Variants in KCNQ1 observed in about 807,000 individuals in gnomAD.
KCNQ1 encodes potassium voltage-gated channel subfamily Q member 1.
KCNQ1 carries 49 observed loss-of-function variants against 72.4 expected under a neutral mutation model. The ratio of observed to expected loss-of-function variants is 0.68; its 90% confidence interval spans 0.54 to 0.86. KCNQ1 has a LOEUF of 0.86. Among genes scored for constraint, KCNQ1 ranks in the 40% least tolerant of loss-of-function variants. The pLI is 0.00. For missense variants in KCNQ1, 790 were observed against 945.1 expected, an observed-to-expected ratio of 0.84 and a Z score of 2.15; for synonymous variants, 450 against 412.6, an observed-to-expected ratio of 1.09 and a Z score of -1.10.
chr11:2,456,788 AATT>A (rs1846198214), intron 1 of KCNQ1, among the ~76,000 whole-genome samples: 2 of 120,404 alleles, frequency 1.7e-5, no homozygotes, highest in Admixed American at 9.2e-5. Context: ...AAAAAAAAAA[AATT>A]AGCCGGGCGT....
rs556567886 is a variant in KCNQ1 at position 2,621,395 on chromosome 11, C to T, written c.1393+32541C>T. 2.8e-5 allele frequency: 11 copies of T among 398,472 alleles called. No individual in the cohort carries two copies. The highest frequency in any genetic ancestry group is 1.3e-4 in the South Asian group (1 of 7,836). 24.7% of individuals were successfully genotyped at this position (398,472 alleles called of 1,614,324 possible). On this transcript the variant is annotated intron_variant, in intron 10 of 15. Transcript: ENST00000155840. The surrounding 1 kb of genome is among the most constrained non-coding windows in gnomAD (Gnocchi z 5.7). ...CCTTTGCCAATTCAATTGGATTATT[C>T]GTTTTTTGCTTGTTGATTGGTTTAA...
chr11:2,540,138 C>T (rs982928284), intron 2 of KCNQ1, among the ~76,000 whole-genome samples: 1 of 152,106 alleles, frequency 6.6e-6, no homozygotes, highest in African/African-American at 2.4e-5. Flanking sequence ...GTGGGGTCCA[C>T]CCGCTGTGTC....
At chr11:2,558,834 G>T (rs1202333497) in intron 2 of KCNQ1, among the ~76,000 whole-genome samples, 1 of 152,190 alleles carries the variant, frequency 6.6e-6, no homozygotes, top group Non-Finnish European at 1.5e-5. Context: ...CCGGAAGCCG[G>T]CAGTCCTGGG....
intron 11 of KCNQ1, among the ~76,000 whole-genome samples, chr11:2,717,693 T>C (rs967101554): frequency 2.3e-4 from 35 of 152,166 alleles, no homozygotes; most frequent in Admixed American, 5.2e-4. Context: ...AAACACAAGC[T>C]TTCAGAAGAG....
chr11:2,573,909 A>C (rs1475686864), intron 6 of KCNQ1, among the ~76,000 whole-genome samples: 1 of 150,716 alleles, frequency 6.6e-6, no homozygotes, highest in Non-Finnish European at 1.5e-5. Flanking sequence ...GTCCCAAGTC[A>C]CTGGCCTGTG....
At chr11:2,597,621 A>G (rs974417324) in intron 10 of KCNQ1, among the ~76,000 whole-genome samples, 4 of 152,238 alleles carry the variant, frequency 2.6e-5, no homozygotes, top group African/African-American at 7.2e-5. Flanking sequence ...ACAAAGTTTT[A>G]TCTACCTTCC....
At chr11:2,666,706 G>C (rs1850075994) in intron 11 of KCNQ1, 1 of 398,608 alleles carries the variant, frequency 2.5e-6, no homozygotes, top group Non-Finnish European at 4.4e-6. Flanking sequence ...AGACATCCAG[G>C]TCCACTGTGA....
chr11:2,533,698 C>T (rs1039933346), intron 2 of KCNQ1, among the ~76,000 whole-genome samples: 9 of 152,228 alleles, frequency 5.9e-5, no homozygotes, highest in Admixed American at 5.2e-4. Context: ...TTGGGTGGCT[C>T]TCCTGTTTCT....
At chr11:2,465,795 A>G (rs973674579) in intron 1 of KCNQ1, among the ~76,000 whole-genome samples, 26 of 152,146 alleles carry the variant, frequency 1.7e-4, no homozygotes, top group African/African-American at 5.8e-4. Context: ...GGAACAATGA[A>G]TGGTACAGAT....
rs1390614698 is a variant in KCNQ1, at chr11:2,671,252, T to C, written c.1514+9171T>C. 8 of 398,516 alleles carry C rather than the reference T, an allele frequency of 2.0e-5. No individual in the cohort carries two copies. Among genetic ancestry groups the C allele is most frequent in the Non-Finnish European group, 3.5e-5 (8 of 226,096 alleles). The allele number at this position is 398,516 out of a possible 1,614,324, so 24.7% of individuals were successfully genotyped here. A position where few individuals can be genotyped will look rare whatever the true frequency, so the allele number is the denominator to read the frequency against. The stretch of plus-strand genomic sequence containing the variant: ...GTCCAGGTCTGACCTCAAAATCCGA[T>C]GTCCCCACCATCCCCAGCCCCTTAG... On this transcript the variant is annotated intron_variant, in intron 11 of 15. Coordinates refer to ENST00000155840, the MANE Select transcript of KCNQ1 (RefSeq NM_000218.3). This position sits in a 1 kb window ranked among gnomAD's most constrained non-coding sequence, Gnocchi z 4.7.
chr11:2,614,436 T>C, intron 10 of KCNQ1: 1 of 398,536 alleles, frequency 2.5e-6, no homozygotes, highest in East Asian at 3.6e-5. Context: ...GTTTTTTGTG[T>C]CTTTTCTAAG....
chr11:2,845,441 G>T (rs1848306996), intron 15 of KCNQ1, among the ~76,000 whole-genome samples: 1 of 152,214 alleles, frequency 6.6e-6, no homozygotes, highest in South Asian at 2.1e-4. Context: ...GCTTTGCAGA[G>T]CACTGAAGTG....
rs895525506 is a variant in KCNQ1 at position 2,471,334 on chromosome 11, C to T, written c.386+25850C>T. Among the ~76,000 whole-genome samples the T allele has an allele frequency of 2.6e-5, 4 of 152,196 alleles. No homozygotes were observed. The highest frequency in any genetic ancestry group is 5.9e-5 in the Non-Finnish European group (4 of 68,038). On this transcript the variant is annotated intron_variant, in intron 1 of 15. Coordinates refer to ENST00000155840, the MANE Select transcript of KCNQ1 (RefSeq NM_000218.3). This position sits in a 1 kb window ranked among gnomAD's most constrained non-coding sequence, Gnocchi z 4.8. ...TGCTGCTTGCTTCTCCCGCCCTCCT[C>T]CCTCTCCCCATCTGCTCTTGGCTGC... is the stretch of plus-strand genomic sequence containing the variant.
At chr11:2,474,770 C>T (rs757481209) in intron 1 of KCNQ1, among the ~76,000 whole-genome samples, 49 of 81,692 alleles carry the variant, frequency 6.0e-4, no homozygotes, top group Non-Finnish European at 1.3e-3. Flanking sequence ...TAGGTTAAGG[C>T]GAGAAGGAGG....
chr11:2,518,702 G>A (rs558690744), intron 1 of KCNQ1, among the ~76,000 whole-genome samples: 5 of 152,172 alleles, frequency 3.3e-5, no homozygotes, highest in Non-Finnish European at 7.3e-5. Flanking sequence ...GGGAGACAAT[G>A]AGGGCAGAAA....
intron 11 of KCNQ1, chr11:2,694,663 C>T (rs1850644428): frequency 7.5e-6 from 3 of 398,562 alleles, no homozygotes; most frequent in Non-Finnish European, 1.3e-5. Context: ...CCACCATGTG[C>T]GGACCCTATA....
intron 13 of KCNQ1, 35 bp downstream of exon 13, chr11:2,776,089 C>T (rs745929873): frequency 1.3e-5 from 20 of 1,513,890 alleles, no homozygotes; most frequent in African/African-American, 2.8e-5. Context: ...GGAGGGTGCC[C>T]AGGTCCTGCC....
chr11:2,693,013 G>A (rs1653075801), intron 11 of KCNQ1: 1 of 398,672 alleles, frequency 2.5e-6, no homozygotes. Flanking sequence ...AGCACGCTCA[G>A]TGAAGGAACA....
chr11:2,469,383 C>T (rs1295230784), intron 1 of KCNQ1, among the ~76,000 whole-genome samples: 1 of 151,976 alleles, frequency 6.6e-6, no homozygotes, highest in African/African-American at 2.4e-5. Context: ...AAGTGATTCT[C>T]CTGCCTCAGC....
Sources: allele counts gnomAD v4.1 joint callset (sites outside exome capture counted in the v4.1 genomes callset), GRCh38; gene constraint gnomAD v4.1.1; non-coding constraint Gnocchi (gnomAD v3.1); transcripts MANE v1.5; gene names NCBI Gene and HGNC (gene_info 2026-07-23, HGNC 2026-07-21).